The following CNTNAP5 variants were observed in gnomAD, a reference collection of about 807,000 sequenced individuals.
CNTNAP5 encodes contactin-associated protein-like 5.
Under a neutral mutation model 150.2 loss-of-function variants are expected in CNTNAP5, and 72 were observed. The ratio of observed to expected loss-of-function variants is 0.48; its 90% CI spans 0.40 to 0.58. The LOEUF is 0.58. Among genes scored for constraint, CNTNAP5 ranks in the 20% least tolerant of loss-of-function variants. The pLI, the probability that CNTNAP5 is intolerant of heterozygous loss-of-function variation, is 0.00. For missense variants in CNTNAP5, 1,636 were observed against 1,626.2 expected, an observed-to-expected ratio of 1.01 and a Z score of -0.10; for synonymous variants, 672 against 619.8, an observed-to-expected ratio of 1.08 and a Z score of -1.25.
Position 124,917,063 on chromosome 2 carries a change from C to T in CNTNAP5, c.*2775C>T, listed in dbSNP as rs549779917. Among the ~76,000 whole-genome samples the T allele has an allele frequency of 6.6e-6, 1 of 152,156 alleles. No homozygotes were observed. The highest frequency in any genetic ancestry group is 6.6e-5 in the Admixed American group (1 of 15,264). ...CAATTGTGTGAGTGTTTTAATCCTT[C>T]TGCAATTATCATCTCGAAGGAGACT... On this transcript the variant is annotated 3_prime_UTR_variant, in exon 24 of 24. Transcript: ENST00000682447.
intron 3 of CNTNAP5, among the ~76,000 whole-genome samples, chr2:124,347,364 G>A (rs544359107): frequency 8.1e-4 from 124 of 152,252 alleles, no homozygotes; most frequent in African/African-American, 2.9e-3. Flanking sequence ...GGGAGACTGA[G>A]GGGGCGGGGG....
intron 18 of CNTNAP5, 46 bp downstream of exon 18, chr2:124,790,187 C>T: frequency 6.5e-7 from 1 of 1,538,296 alleles, no homozygotes. Flanking sequence ...GCTGTATCAC[C>T]TATACGCTAT....
At chr2:124,789,163 C>G (rs1681664183) in intron 17 of CNTNAP5, among the ~76,000 whole-genome samples, 1 of 152,176 alleles carries the variant, frequency 6.6e-6, no homozygotes, top group African/African-American at 2.4e-5. Flanking sequence ...GTTGGTGTAC[C>G]TAACAGCTTC....
In CNTNAP5 at chr2:124,463,629, C is replaced by T. The variant is rs1208065510; in HGVS notation, c.919-11110C>T. Among the ~76,000 whole-genome samples, 4 of 152,304 alleles carry T rather than the reference C, an allele frequency of 2.6e-5. No homozygotes were observed. In the East Asian group the frequency reaches 5.8e-4, roughly 22 times the overall value. Reference sequence around the variant, plus strand: ...TCACCAAATAACATGGGCCAGTGTGCTCACTTTGCCTGAGACAAGGGGGCA... The same window carrying T: ...TCACCAAATAACATGGGCCAGTGTGTTCACTTTGCCTGAGACAAGGGGGCA... On this transcript the variant is annotated intron_variant, in intron 6 of 23. Coordinates refer to ENST00000682447, the MANE Select transcript of CNTNAP5 (RefSeq NM_001367498.1).
intron 11 of CNTNAP5, among the ~76,000 whole-genome samples, chr2:124,594,450 T>C (rs1330615864): frequency 6.6e-6 from 1 of 152,124 alleles, no homozygotes; most frequent in African/African-American, 2.4e-5. Flanking sequence ...TAGTTGTAGG[T>C]AAGTGGTGTT....
intron 1 of CNTNAP5, among the ~76,000 whole-genome samples, chr2:124,111,968 T>C (rs1194938031): frequency 6.6e-6 from 1 of 152,206 alleles, no homozygotes; most frequent in Non-Finnish European, 1.5e-5. Context: ...GCAAGAACAC[T>C]GAATGACTTG....
intron 1 of CNTNAP5, among the ~76,000 whole-genome samples, chr2:124,100,236 C>A (rs955025333): frequency 8.5e-5 from 13 of 152,152 alleles, no homozygotes; most frequent in African/African-American, 3.1e-4. Flanking sequence ...AAGTCACTAT[C>A]TCAGGGACAG....
At chr2:124,389,235 AT>A (rs1450460807) in intron 3 of CNTNAP5, among the ~76,000 whole-genome samples, 4 of 152,202 alleles carry the variant, frequency 2.6e-5, no homozygotes, top group African/African-American at 9.6e-5. Flanking sequence ...TTGAAAAAAA[AT>A]ATGTGTTGCT....
chr2:124,356,964 A>G (rs924888897), intron 3 of CNTNAP5, among the ~76,000 whole-genome samples: 7 of 151,972 alleles, frequency 4.6e-5, no homozygotes, highest in Admixed American at 1.3e-4. Context: ...CCTCTCCAGC[A>G]CCTGTTGTTT....
At chr2:124,829,274 A>G (rs1290471633) in intron 19 of CNTNAP5, among the ~76,000 whole-genome samples, 4 of 152,116 alleles carry the variant, frequency 2.6e-5, no homozygotes, top group Non-Finnish European at 5.9e-5. Flanking sequence ...GTCTCACAAG[A>G]TCCCCCCTTT....
intron 21 of CNTNAP5, among the ~76,000 whole-genome samples, chr2:124,894,781 G>A (rs1280275827): frequency 6.6e-6 from 1 of 151,158 alleles, no homozygotes; most frequent in East Asian, 1.9e-4. Context: ...TTGAACTCCT[G>A]GGATCAAGCA....
chr2:124,687,423 A>C (rs1034467602), intron 13 of CNTNAP5, among the ~76,000 whole-genome samples: 7 of 152,012 alleles, frequency 4.6e-5, no homozygotes, highest in African/African-American at 1.7e-4. Flanking sequence ...TATGTTTAAC[A>C]TTCTTTAAGA....
At chr2:124,443,265 CAT>C (rs1692721675) in intron 5 of CNTNAP5, among the ~76,000 whole-genome samples, 1 of 148,484 alleles carries the variant, frequency 6.7e-6, no homozygotes, top group African/African-American at 2.5e-5. Context: ...AATTATGTAT[CAT>C]ATGTATATAC....
intron 8 of CNTNAP5, among the ~76,000 whole-genome samples, chr2:124,521,111 C>T (rs534534950): frequency 1.6e-4 from 25 of 152,278 alleles, no homozygotes; most frequent in African/African-American, 6.0e-4. Flanking sequence ...TCTGACACCT[C>T]CAATGACATG....
intron 2 of CNTNAP5, among the ~76,000 whole-genome samples, chr2:124,222,065 C>T (rs768561237): frequency 2.0e-5 from 3 of 151,990 alleles, no homozygotes; most frequent in African/African-American, 7.2e-5. Context: ...GTGAAAATTA[C>T]TTTATAAAAA....
In CNTNAP5 at chr2:124,772,907, A is replaced by T; in HGVS notation, c.2642A>T (p.Glu881Val). 1 of 1,613,614 alleles carries T rather than the reference A, an allele frequency of 6.2e-7. No homozygotes were observed. The highest frequency in any genetic ancestry group is 8.5e-7 in the Non-Finnish European group (1 of 1,179,696). The part of the protein sequence containing the change: ...NDNQWHYVRA[E>V]RNLKETSLQV... Reference sequence around the variant, plus strand: ...AACCAATGGCACTATGTCCGGGCTGAGAGGAACCTCAAGGAGACCTCCCTG... The same window carrying T: ...AACCAATGGCACTATGTCCGGGCTGTGAGGAACCTCAAGGAGACCTCCCTG... The change falls in exon 17 of 24, where the codon GAG becomes GTG. Residue 881 changes from glutamate (E) to valine (V), a missense_variant. By Grantham distance (121) the Glu-to-Val change is moderately radical (BLOSUM62 -2). Coordinates refer to ENST00000682447, the MANE Select transcript of CNTNAP5 (RefSeq NM_001367498.1).
intron 4 of CNTNAP5, among the ~76,000 whole-genome samples, chr2:124,423,524 A>T (rs575467225): frequency 7.3e-5 from 11 of 151,090 alleles, no homozygotes; most frequent in South Asian, 2.1e-4. Context: ...TTATTTATTT[A>T]TTTTTTGTAT....
chr2:124,578,486 C>T (rs566483698), intron 11 of CNTNAP5, among the ~76,000 whole-genome samples: 7 of 152,212 alleles, frequency 4.6e-5, no homozygotes, highest in African/African-American at 7.2e-5. Context: ...GGATAAAGCT[C>T]ACCAGGGAAT....
chr2:124,151,171 A>G (rs1310744300), intron 1 of CNTNAP5, among the ~76,000 whole-genome samples: 1 of 152,104 alleles, frequency 6.6e-6, no homozygotes, highest in Non-Finnish European at 1.5e-5. Flanking sequence ...TACAAGGGAG[A>G]AACAGTCCAT....
Sources: gnomAD v4.1 joint callset for allele counts (sites outside exome capture counted in the v4.1 genomes callset) on GRCh38, gnomAD v4.1.1 for gene constraint, MANE v1.5 for transcripts, NCBI Gene and HGNC (gene_info 2026-07-23, HGNC 2026-07-21) for gene names.